The following TENT4B variants were observed in gnomAD, a reference collection of about 807,000 sequenced individuals.
The protein encoded by TENT4B is PAP associated domain containing 5.
Under a neutral mutation model 75.0 loss-of-function variants are expected in TENT4B, and 10 were observed. That is an observed-to-expected ratio of 0.13 (90% CI 0.08 to 0.23). The LOEUF is 0.23. TENT4B is among the 10% of genes least tolerant of loss of function. The pLI, the probability that TENT4B is intolerant of heterozygous loss-of-function variation, is 1.00. For missense variants in TENT4B, 579 were observed against 893.8 expected (o/e 0.65, Z 4.49); for synonymous variants, 350 against 357.7 (o/e 0.98, Z 0.24).
chr16:50,215,205 A>G (rs2031488161), intron 3 of TENT4B, among the ~76,000 whole-genome samples: 2 of 152,212 alleles, frequency 1.3e-5, no homozygotes, highest in African/African-American at 4.8e-5. Flanking sequence ...TGAACATTCC[A>G]TCATGGTTAT....
In TENT4B at chr16:50,168,957, A is replaced by T. The variant is rs143006505; in HGVS notation, c.638+14698A>T. ...CACTGCACCCAGCCAATATCATATA[A>T]TTTCATATAAATAGTTCTTTGTGTA... On this transcript the variant is annotated intron_variant, in intron 1 of 11. Transcript: ENST00000561678. Among the ~76,000 whole-genome samples the T allele has an allele frequency of 5.9e-5, 9 of 152,262 alleles. No homozygotes were observed. The East Asian group carries it at 1.7e-3, about 29-fold the overall frequency.
In TENT4B at chr16:50,222,392, T is replaced by C; in HGVS notation, c.1125T>C (p.Ile375=). ...TTAATGAAGTATTTACAGGTGGAATTGGTTCTTATAGTCTCTTTTTAATGG... is the reference window on the plus strand; with the variant it reads ...TTAATGAAGTATTTACAGGTGGAATCGGTTCTTATAGTCTCTTTTTAATGG... The part of the protein sequence containing the change: ...RDLNEVFTGG[I]GSYSLFLMAV... Residue 375 remains isoleucine, a synonymous_variant, in exon 6 of 12, where the codon ATT becomes ATC. Coordinates refer to ENST00000561678, the MANE Select transcript of TENT4B (RefSeq NM_001365324.3). 1 of 1,613,458 alleles carries C rather than the reference T, an allele frequency of 6.2e-7. No homozygotes were observed. The highest frequency in any genetic ancestry group is 8.5e-7 in the Non-Finnish European group (1 of 1,179,616).
At position 50,213,956 on chromosome 16, in the gene TENT4B, A is replaced by G. The variant is rs571479808; in HGVS notation, c.763-265A>G. 9.9e-5 allele frequency among the ~76,000 whole-genome samples: 15 copies of G among 152,274 alleles called. No homozygotes were observed. In the South Asian group the frequency reaches 2.5e-3, roughly 25 times the overall value. On this transcript the variant is annotated intron_variant, in intron 2 of 11. Transcript: ENST00000561678. ...TTTTGGCATGGTGGGACTGGAACCA[A>G]TCTCCTGCCGATACCAAGGGACAAC...
At chr16:50,193,873 T>C (rs2030023288) in intron 1 of TENT4B, among the ~76,000 whole-genome samples, 1 of 152,152 alleles carries the variant, frequency 6.6e-6, no homozygotes, top group South Asian at 2.1e-4. Context: ...ACTCATGAAA[T>C]CCCATGGCTG....
intron 5 of TENT4B, among the ~76,000 whole-genome samples, chr16:50,221,857 G>A (rs1275957457): frequency 1.3e-5 from 2 of 151,564 alleles, no homozygotes; most frequent in African/African-American, 2.4e-5. Flanking sequence ...TCTGCCTCCC[G>A]GGTTCAAGTG....
chr16:50,192,864 T>C (rs750164026), intron 1 of TENT4B, among the ~76,000 whole-genome samples: 68 of 152,162 alleles, frequency 4.5e-4, no homozygotes, highest in Non-Finnish European at 9.1e-4. Flanking sequence ...GGTGGATTGC[T>C]GGAGCCCAGG....
chr16:50,227,714 T>G (rs541415130), intron 10 of TENT4B, 125 bp from the exon 11 acceptor site: 17 of 1,027,680 alleles, frequency 1.7e-5, no homozygotes, highest in African/African-American at 8.1e-5. Context: ...TTTGTGTGCT[T>G]CTTTTAACTC....
intron 1 of TENT4B, among the ~76,000 whole-genome samples, chr16:50,201,162 A>G (rs772585182): frequency 7.2e-5 from 11 of 152,162 alleles, no homozygotes; most frequent in Admixed American, 2.0e-4. Context: ...GTCAGTCTAC[A>G]TTTGTACACA....
intron 5 of TENT4B, among the ~76,000 whole-genome samples, chr16:50,222,060 C>T (rs1223468427): frequency 6.6e-6 from 1 of 152,164 alleles, no homozygotes; most frequent in African/African-American, 2.4e-5. Context: ...CCACCATGCC[C>T]AGCCCTGTAG....
intron 11 of TENT4B, 116 bp downstream of exon 11, chr16:50,228,119 T>G (rs1397678637): frequency 7.7e-7 from 1 of 1,302,394 alleles, no homozygotes; most frequent in African/African-American, 1.5e-5. Flanking sequence ...AAGAACAAAC[T>G]TATTTTATTC....
intron 1 of TENT4B, among the ~76,000 whole-genome samples, chr16:50,184,406 C>T (rs980185457): frequency 3.9e-5 from 6 of 152,106 alleles, no homozygotes; most frequent in Admixed American, 1.3e-4. Flanking sequence ...CGGTGGCTCA[C>T]GCCTGTAATC....
Position 50,229,404 on chromosome 16 carries a change from G to T in TENT4B, c.*76G>T. On this transcript the variant is annotated 3_prime_UTR_variant, in exon 12 of 12. Transcript: ENST00000561678. Reference sequence around the variant, plus strand: ...GACAGTTGCGCAGGGACTCCTGGGAGATATTCAGGAGCCTCACACTGTTCA... The same window carrying T: ...GACAGTTGCGCAGGGACTCCTGGGATATATTCAGGAGCCTCACACTGTTCA... 1 of 1,507,446 alleles carries T rather than the reference G, an allele frequency of 6.6e-7. No homozygotes were observed. Among genetic ancestry groups the T allele is most frequent in the Non-Finnish European group, 8.8e-7 (1 of 1,135,088 alleles). The allele number at this position is 1,507,446 out of a possible 1,614,324, so 93.4% of individuals were successfully genotyped here.
intron 1 of TENT4B, among the ~76,000 whole-genome samples, chr16:50,198,643 G>A (rs2150719237): frequency 6.6e-6 from 1 of 151,972 alleles, no homozygotes; most frequent in East Asian, 1.9e-4. Flanking sequence ...TGATTTTTTT[G>A]TGGGGAGGGT....
At position 50,225,154 on chromosome 16, in the gene TENT4B, C is replaced by G; in HGVS notation, c.1669C>G (p.Leu557Val). The G allele has an allele frequency of 1.2e-6, 2 of 1,613,110 alleles. No homozygotes were observed. The highest frequency in any genetic ancestry group is 1.7e-6 in the Non-Finnish European group (2 of 1,179,240). The change falls in exon 10 of 12, where the codon CTA (leucine) becomes GTA (valine). Residue 557 changes from leucine to valine, a missense_variant. Around this residue, in one of 7 missense-constraint regions of TENT4B, gnomAD observed 164 missense variants for 226.5 expected, o/e 0.72. Transcript: ENST00000561678. ...GCAGTTAGATAAATGTAATAATAAT[C>G]TATCTGAAGAAAATGAAGCCCTTGG... ...TQQLDKCNNN[L>V]SEENEALGKC...
intron 1 of TENT4B, among the ~76,000 whole-genome samples, chr16:50,207,271 T>TTCCGGG (rs2031034340): frequency 6.6e-6 from 1 of 152,152 alleles, no homozygotes; most frequent in South Asian, 2.1e-4. Context: ...AAGTTTTGTC[T>TTCCGGG]TCCGGGCTCA....
At position 50,231,979 on chromosome 16, in the gene TENT4B, C is replaced by G. The variant is rs1473519141; in HGVS notation, c.*2651C>G. 4.1e-6 allele frequency: 4 copies of G among 984,108 alleles called. No homozygotes were observed. The highest frequency in any genetic ancestry group is 1.1e-4 in the East Asian group (1 of 8,818). The allele number at this position is 984,108 out of a possible 1,614,324, so 61.0% of individuals were successfully genotyped here. On this transcript the variant is annotated 3_prime_UTR_variant, in exon 12 of 12. Coordinates refer to ENST00000561678, the MANE Select transcript of TENT4B (RefSeq NM_001365324.3). ...TCCATTCATATCCATGAATCATAACCTTCCTTTGCTAATACTTGTTGAATG... is the reference window on the plus strand; with the variant it reads ...TCCATTCATATCCATGAATCATAACGTTCCTTTGCTAATACTTGTTGAATG...
At chr16:50,152,978 CG>C, upstream of TENT4B, 1 of 1,513,432 alleles carries the variant, frequency 6.6e-7, no homozygotes, top group Middle Eastern at 1.7e-4. Flanking sequence ...CGCTCAGCAC[CG>C]GGGAAGCCGA....
chr16:50,191,185 A>G (rs866386766), intron 1 of TENT4B, among the ~76,000 whole-genome samples: 4 of 152,004 alleles, frequency 2.6e-5, no homozygotes, highest in African/African-American at 9.6e-5. Context: ...ACAAGTATCT[A>G]TTTGAGTTTC....
intron 1 of TENT4B, among the ~76,000 whole-genome samples, chr16:50,206,089 A>G (rs1446195214): frequency 1.3e-5 from 2 of 152,094 alleles, no homozygotes; most frequent in African/African-American, 4.8e-5. Flanking sequence ...CATTGATATC[A>G]TTTCTAAATT....
Sources: gnomAD v4.1 joint callset for allele counts (sites outside exome capture counted in the v4.1 genomes callset) on GRCh38, gnomAD v4.1.1 for gene constraint, gnomAD v4.1.1 regional missense constraint, MANE v1.5 for transcripts, NCBI Gene and HGNC (gene_info 2026-07-23, HGNC 2026-07-21) for gene names.